GRID1: variants seen among roughly 807,000 people sequenced by gnomAD.
GRID1 encodes glutamate receptor ionotropic, delta-1.
Under a neutral mutation model 98.0 loss-of-function variants are expected in GRID1, and 28 were observed. That is an observed-to-expected ratio of 0.29 (90% CI 0.21 to 0.39). The LOEUF is 0.39. Ranked by LOEUF, GRID1 falls within the 10% of genes least tolerant of loss-of-function variation. The probability of loss-of-function intolerance (pLI) is 1.00; values close to 1 mark genes in which losing one functional copy is unlikely to be tolerated. For missense variants in GRID1, 1,111 were observed against 1,340.5 expected (o/e 0.83, Z 2.67); for synonymous variants, 553 against 538.5 (o/e 1.03, Z -0.37).
Position 86,256,929 on chromosome 10 carries a change from C to A in GRID1, c.236-50281G>T, listed in dbSNP as rs146410623. Among the ~76,000 whole-genome samples the A allele has an allele frequency of 4.1e-4, 62 of 152,328 alleles. No homozygotes were observed. The East Asian group carries it at 0.011, about 28-fold the overall frequency. ...CAGTGAAGGACACAGTTCCCACTGG[C>A]AGCCCCTCTCTGCCTGCTGCATCCT... On this transcript the variant is annotated intron_variant, in intron 2 of 15. Transcript: ENST00000327946.
chr10:85,921,251 T>C (rs1196240322), intron 4 of GRID1, among the ~76,000 whole-genome samples: 3 of 152,194 alleles, frequency 2.0e-5, no homozygotes, highest in African/African-American at 7.2e-5. Flanking sequence ...ATCCACATCT[T>C]GACACCCACA....
chr10:86,036,423 C>G (rs1176769310), intron 4 of GRID1, among the ~76,000 whole-genome samples: 1 of 152,190 alleles, frequency 6.6e-6, no homozygotes, highest in Admixed American at 6.5e-5. Context: ...TGGCAGATTT[C>G]CCAAGGAATG....
chr10:85,873,921 A>G (rs1202970798), intron 5 of GRID1, among the ~76,000 whole-genome samples: 1 of 152,238 alleles, frequency 6.6e-6, no homozygotes, highest in Non-Finnish European at 1.5e-5. Context: ...AACATTAAGC[A>G]TTAGTGATTG....
chr10:86,108,438 G>A (rs1844426829), intron 4 of GRID1, among the ~76,000 whole-genome samples: 1 of 152,174 alleles, frequency 6.6e-6, no homozygotes, highest in South Asian at 2.1e-4. Context: ...GCTTGGAATG[G>A]AGCTTTGTCC....
intron 4 of GRID1, among the ~76,000 whole-genome samples, chr10:86,105,058 C>T (rs1053101758): frequency 6.6e-6 from 1 of 152,186 alleles, no homozygotes; most frequent in African/African-American, 2.4e-5. Context: ...TAATTACACA[C>T]AAGTTTGGGA....
rs12571080 is a variant in GRID1, at chr10:86,010,559, C to T, written c.727-94320G>A. Among the ~76,000 whole-genome samples, 13 of 152,124 alleles carry T rather than the reference C, an allele frequency of 8.5e-5. No individual in the cohort carries two copies. In the East Asian group the frequency reaches 2.5e-3, roughly 29 times the overall value. On this transcript the variant is annotated intron_variant, in intron 4 of 15. Coordinates refer to ENST00000327946, the MANE Select transcript of GRID1 (RefSeq NM_017551.3). ...TGAGGCCGGGTATGGTGGTTCATTC[C>T]TATAATCCTAGCACTTTGGGAGGCC...
intron 2 of GRID1, among the ~76,000 whole-genome samples, chr10:86,301,223 C>T (rs562198122): frequency 6.6e-6 from 1 of 152,320 alleles, no homozygotes; most frequent in East Asian, 1.9e-4. Context: ...GGTACCTCAC[C>T]TTGGACCTGC....
intron 4 of GRID1, among the ~76,000 whole-genome samples, chr10:86,087,510 CTGTGTGTGTGTGTGTG>C (rs60644459): frequency 1.4e-5 from 2 of 140,908 alleles, no homozygotes; most frequent in Non-Finnish European, 3.1e-5. Flanking sequence ...GTGTGTGTGT[CTGTGTGTGTGTGTGTG>C]TGTGTGTGTG....
chr10:85,610,544 GC>G, intron 15 of GRID1, among the ~76,000 whole-genome samples: 1 of 152,162 alleles, frequency 6.6e-6, no homozygotes. Context: ...ACAGCTCTGA[GC>G]CCCAAGTAGT....
chr10:86,187,576 C>G (rs116517991), intron 3 of GRID1, among the ~76,000 whole-genome samples: 2,015 of 152,304 alleles, frequency 0.013, 50 homozygotes, highest in African/African-American at 0.046. Context: ...TTCCCAGGAG[C>G]AGCCAGAGGC....
At chr10:85,821,283 C>T (rs988718583) in intron 8 of GRID1, among the ~76,000 whole-genome samples, 8 of 151,434 alleles carry the variant, frequency 5.3e-5, no homozygotes, top group Admixed American at 2.6e-4. Flanking sequence ...TTTGGGAGGC[C>T]GAAATGGGCA....
At chr10:85,686,969 T>C (rs962161491) in intron 12 of GRID1, among the ~76,000 whole-genome samples, 24 of 152,090 alleles carry the variant, frequency 1.6e-4, no homozygotes, top group African/African-American at 5.1e-4. Flanking sequence ...TTTTGTAACA[T>C]AAATATAACA....
chr10:86,029,021 A>G (rs1016661247), intron 4 of GRID1, among the ~76,000 whole-genome samples: 3 of 152,080 alleles, frequency 2.0e-5, no homozygotes, highest in Non-Finnish European at 2.9e-5. Flanking sequence ...ATGCTATACT[A>G]TGGCTATCCA....
At chr10:85,761,001 C>T (rs1488408249) in intron 8 of GRID1, among the ~76,000 whole-genome samples, 1 of 152,170 alleles carries the variant, frequency 6.6e-6, no homozygotes, top group Non-Finnish European at 1.5e-5. Context: ...ATAACAGCAC[C>T]TCTAACCTGA....
chr10:86,348,547 A>G (rs1489259868), intron 2 of GRID1, among the ~76,000 whole-genome samples: 1 of 152,220 alleles, frequency 6.6e-6, no homozygotes, highest in Non-Finnish European at 1.5e-5. Flanking sequence ...CAGCAGCCAC[A>G]GGGGCCTGGT....
At chr10:86,037,234 T>C (rs1843277792) in intron 4 of GRID1, among the ~76,000 whole-genome samples, 3 of 152,162 alleles carry the variant, frequency 2.0e-5, no homozygotes, top group Admixed American at 2.0e-4. Context: ...AGGACCAAGA[T>C]CTGGCTTTGG....
intron 4 of GRID1, among the ~76,000 whole-genome samples, chr10:85,948,605 T>C (rs572874330): frequency 6.6e-6 from 1 of 152,380 alleles, no homozygotes; most frequent in South Asian, 2.1e-4. Context: ...ACTGACTTTG[T>C]ATCTTACAGT....
intron 8 of GRID1, among the ~76,000 whole-genome samples, chr10:85,820,896 C>T (rs541274257): frequency 1.3e-5 from 2 of 152,106 alleles, no homozygotes; most frequent in Non-Finnish European, 2.9e-5. Flanking sequence ...ATGACCCAAC[C>T]ATTCTGCCTT....
At chr10:86,025,598 G>A (rs564075083) in intron 4 of GRID1, among the ~76,000 whole-genome samples, 7 of 152,258 alleles carry the variant, frequency 4.6e-5, no homozygotes, top group South Asian at 2.1e-4. Context: ...TTATCTCCTC[G>A]GTTTACAAAT....
Sources: gnomAD v4.1 joint callset for allele counts (sites outside exome capture counted in the v4.1 genomes callset) on GRCh38, gnomAD v4.1.1 for gene constraint, MANE v1.5 for transcripts, NCBI Gene and HGNC (gene_info 2026-07-23, HGNC 2026-07-21) for gene names.